The following CDH18 variants were observed in gnomAD, a reference collection of about 807,000 sequenced individuals.
CDH18 encodes the protein cadherin-18.
In CDH18, 31 loss-of-function variants were observed where a neutral mutation model predicts 67.9. The observed-to-expected ratio is 0.46, with a 90% CI of 0.34 to 0.62. The LOEUF is 0.62. Ranked by LOEUF, CDH18 falls within the 20% of genes least tolerant of loss-of-function variation. CDH18 has a pLI of 0.01. For synonymous variants in CDH18, 362 were observed against 347.2 expected (o/e 1.04, Z -0.48); for missense variants, 890 against 975.5 (o/e 0.91, Z 1.17).
At chr5:19,514,233 T>A (rs184559627) in intron 10 of CDH18, among the ~76,000 whole-genome samples, 1 of 152,322 alleles carries the variant, frequency 6.6e-6, no homozygotes, top group Admixed American at 6.5e-5. Flanking sequence ...ATTTTCTTAA[T>A]CCAGTCTATC....
intron 1 of CDH18, among the ~76,000 whole-genome samples, chr5:20,482,058 G>GA (rs915930470): frequency 1.3e-5 from 2 of 151,502 alleles, no homozygotes; most frequent in African/African-American, 4.8e-5. Context: ...ACCAGAGTAA[G>GA]AAAAAAGAGA....
intron 3 of CDH18, among the ~76,000 whole-genome samples, chr5:19,784,425 C>G (rs1261972808): frequency 1.3e-5 from 2 of 152,132 alleles, no homozygotes; most frequent in African/African-American, 2.4e-5. Flanking sequence ...AAATTAGACT[C>G]TTAGATATGA....
At chr5:19,918,748 A>G (rs975462921) in intron 2 of CDH18, among the ~76,000 whole-genome samples, 5 of 152,220 alleles carry the variant, frequency 3.3e-5, no homozygotes, top group Non-Finnish European at 5.9e-5. Context: ...ATTTTGATAT[A>G]ATAATAAATA....
chr5:19,524,123 T>C (rs1473245940), intron 9 of CDH18, among the ~76,000 whole-genome samples: 1 of 151,840 alleles, frequency 6.6e-6, no homozygotes, highest in Non-Finnish European at 1.5e-5. Context: ...TGTGTTAAAA[T>C]CTGTTTATTA....
chr5:20,079,634 C>T (rs559967657), intron 2 of CDH18, among the ~76,000 whole-genome samples: 26 of 152,148 alleles, frequency 1.7e-4, no homozygotes, highest in African/African-American at 5.1e-4. Flanking sequence ...AAACTTCATA[C>T]GGTACTAATT....
intron 1 of CDH18, among the ~76,000 whole-genome samples, chr5:19,983,089 C>T (rs1479782014): frequency 6.6e-6 from 1 of 150,588 alleles, no homozygotes; most frequent in African/African-American, 2.4e-5. Context: ...ATCTGTAACT[C>T]ATATCAAAAA....
intron 8 of CDH18, among the ~76,000 whole-genome samples, chr5:19,548,863 G>T (rs1222616085): frequency 6.7e-6 from 1 of 149,114 alleles, no homozygotes; most frequent in Non-Finnish European, 1.5e-5. Context: ...CAATTCTCTT[G>T]CCTCAGCCTC....
chr5:20,298,347 G>C (rs1747701642), intron 1 of CDH18, among the ~76,000 whole-genome samples: 1 of 152,118 alleles, frequency 6.6e-6, no homozygotes, highest in African/African-American at 2.4e-5. Flanking sequence ...GAGAGTGATG[G>C]AAGAAACCCC....
At chr5:19,743,952 T>C (rs894951284) in intron 4 of CDH18, among the ~76,000 whole-genome samples, 1 of 114,844 alleles carries the variant, frequency 8.7e-6, no homozygotes, top group Non-Finnish European at 1.8e-5. Context: ...AAAAAAAAAA[T>C]CAGAGTTAAT....
At chr5:19,592,452 C>T (rs1038615030) in intron 6 of CDH18, among the ~76,000 whole-genome samples, 5 of 151,772 alleles carry the variant, frequency 3.3e-5, no homozygotes, top group Middle Eastern at 3.4e-3. Context: ...TAACAGAAGC[C>T]CAGGAATCTT....
intron 3 of CDH18, among the ~76,000 whole-genome samples, chr5:19,759,020 C>T (rs1771993319): frequency 6.6e-6 from 1 of 152,202 alleles, no homozygotes; most frequent in Non-Finnish European, 1.5e-5. Flanking sequence ...ATATTGCTGG[C>T]CTTGCCAGCT....
At chr5:20,364,392 G>A (rs1742345959) in intron 1 of CDH18, among the ~76,000 whole-genome samples, 1 of 152,044 alleles carries the variant, frequency 6.6e-6, no homozygotes, top group Non-Finnish European at 1.5e-5. Flanking sequence ...ATTATCTCAG[G>A]AGATATACTT....
At chr5:19,485,023 G>C (rs1262818947) in intron 11 of CDH18, among the ~76,000 whole-genome samples, 1 of 152,038 alleles carries the variant, frequency 6.6e-6, no homozygotes, top group African/African-American at 2.4e-5. Flanking sequence ...AACAGTCACA[G>C]TGCAATATCC....
At chr5:19,491,358 A>T (rs1184460661) in intron 11 of CDH18, among the ~76,000 whole-genome samples, 1 of 152,204 alleles carries the variant, frequency 6.6e-6, no homozygotes, top group African/African-American at 2.4e-5. Context: ...CCTGTGGATA[A>T]AAACAAAATT....
intron 2 of CDH18, among the ~76,000 whole-genome samples, chr5:20,208,322 T>G (rs1740074372): frequency 6.6e-6 from 1 of 152,118 alleles, no homozygotes; most frequent in African/African-American, 2.4e-5. Context: ...AACTGCCCCC[T>G]TGATTCAATT....
chr5:19,750,088 T>C (rs1346238138), intron 3 of CDH18, among the ~76,000 whole-genome samples: 1 of 152,096 alleles, frequency 6.6e-6, no homozygotes, highest in African/African-American at 2.4e-5. Context: ...TTTAGTTTCT[T>C]GGCCAGCTTG....
intron 1 of CDH18, among the ~76,000 whole-genome samples, chr5:20,284,386 A>T (rs948760212): frequency 6.6e-6 from 1 of 151,994 alleles, no homozygotes; most frequent in Non-Finnish European, 1.5e-5. Context: ...TCATAAAAAT[A>T]AAAATTATAA....
intron 2 of CDH18, among the ~76,000 whole-genome samples, chr5:19,918,835 G>A (rs1466919616): frequency 6.6e-6 from 1 of 152,044 alleles, no homozygotes; most frequent in Non-Finnish European, 1.5e-5. Context: ...GAATGACAGA[G>A]GTGATAAGCG....
At chr5:20,529,577 G>T (rs1756275434) in intron 1 of CDH18, among the ~76,000 whole-genome samples, 1 of 151,908 alleles carries the variant, frequency 6.6e-6, no homozygotes, top group South Asian at 2.1e-4. Flanking sequence ...ACCCAAGACT[G>T]GTTTAACACA....
Sources: allele counts gnomAD v4.1 joint callset (sites outside exome capture counted in the v4.1 genomes callset), GRCh38; gene constraint gnomAD v4.1.1; transcripts MANE v1.5; gene names NCBI Gene and HGNC (gene_info 2026-07-23, HGNC 2026-07-21).